TTC33: variants seen among roughly 807,000 people sequenced by gnomAD.
TTC33 encodes tetratricopeptide repeat protein 33.
Under a neutral mutation model 29.4 loss-of-function variants are expected in TTC33, and 24 were observed. The observed-to-expected ratio is 0.82, with a 90% CI of 0.59 to 1.15. The LOEUF is 1.15. Among genes scored for constraint, TTC33 ranks in the 50% most tolerant of loss-of-function variants. The probability of loss-of-function intolerance (pLI) is 0.00; values close to 1 mark genes in which losing one functional copy is unlikely to be tolerated. For missense variants in TTC33, 286 were observed against 310.4 expected, an observed-to-expected ratio of 0.92 and a Z score of 0.59; for synonymous variants, 107 against 100.3, an observed-to-expected ratio of 1.07 and a Z score of -0.40.
intron 4 of TTC33, among the ~76,000 whole-genome samples, chr5:40,718,016 C>T (rs1034416155): frequency 6.7e-6 from 1 of 150,140 alleles, no homozygotes; most frequent in African/African-American, 2.5e-5. Flanking sequence ...GAGCCAAGAT[C>T]GCACAATTAT....
intron 2 of TTC33, among the ~76,000 whole-genome samples, chr5:40,735,566 G>GA (rs1291388295): frequency 1.3e-5 from 2 of 152,124 alleles, no homozygotes; most frequent in Non-Finnish European, 2.9e-5. Context: ...AAGAGTGAGG[G>GA]AAAAACAGAA....
intron 2 of TTC33, among the ~76,000 whole-genome samples, chr5:40,737,914 T>A (rs1250069275): frequency 6.6e-6 from 1 of 152,226 alleles, no homozygotes; most frequent in Non-Finnish European, 1.5e-5. Context: ...CTCAAGAGAA[T>A]ACTATTGTAT....
intron 2 of TTC33, among the ~76,000 whole-genome samples, chr5:40,730,572 T>A (rs148011870): frequency 2.5e-3 from 379 of 152,250 alleles, no homozygotes; most frequent in African/African-American, 8.8e-3. Context: ...TGAAACTCCA[T>A]ACCCATTAAA....
Position 40,715,198 on chromosome 5 carries a change from C to T in TTC33, c.*947G>A, listed in dbSNP as rs1459968856. On this transcript the variant is annotated 3_prime_UTR_variant, in exon 5 of 5. Coordinates refer to ENST00000337702, the MANE Select transcript of TTC33 (RefSeq NM_012382.3). ...AAAATTGTAATTATTTTTCATTTCA[C>T]TGAGTAGTTTCAAAAAAAGTTATCT... 3.3e-5 allele frequency: 5 copies of T among 151,920 alleles called. No homozygotes were observed. The highest frequency in any genetic ancestry group is 4.8e-5 in the African/African-American group (2 of 41,384). The allele number at this position is 151,920 out of a possible 1,614,324, so 9.4% of individuals were successfully genotyped here.
Position 40,715,906 on chromosome 5 carries a change from T to C in TTC33, c.*239A>G, listed in dbSNP as rs1741986685. ...TTACATATTCAGATTAAACTAAGTT[T>C]ATTAATCAAAGACCATTTTACTCAG... On this transcript the variant is annotated 3_prime_UTR_variant, in exon 5 of 5. Transcript: ENST00000337702. The C allele has an allele frequency of 2.5e-6, 1 of 402,780 alleles. No individual in the cohort carries two copies. Among genetic ancestry groups the C allele is most frequent in the Non-Finnish European group, 4.4e-6 (1 of 227,944 alleles). 25.0% of individuals were successfully genotyped at this position (402,780 alleles called of 1,614,324 possible).
chr5:40,723,014 A>G (rs1186373695), intron 4 of TTC33, among the ~76,000 whole-genome samples: 1 of 152,218 alleles, frequency 6.6e-6, no homozygotes, highest in Non-Finnish European at 1.5e-5. Context: ...AATGTGGGGA[A>G]AAGGAGAGAT....
rs1742801241 is a variant in TTC33 at position 40,746,978 on chromosome 5, A to T, written c.41T>A (p.Val14Asp). Residue 14 changes from valine (V) to aspartate (D), a missense_variant, in exon 2 of 5, where the codon GTC (valine) becomes GAC (aspartate). Val to Asp is a radical substitution (Grantham distance 152). Coordinates refer to ENST00000337702, the MANE Select transcript of TTC33 (RefSeq NM_012382.3). ...FGWKRKIGEK[V>D]SKVTSQQFEA... ...AAACTGCTGGGAAGTGACCTTTGAG[A>T]CCTTCTCACCAATTTTCCTCTTCCA... The T allele has an allele frequency of 1.9e-6, 3 of 1,613,896 alleles. No individual in the cohort carries two copies. The highest frequency in any genetic ancestry group is 2.5e-6 in the Non-Finnish European group (3 of 1,180,020).
intron 1 of TTC33, among the ~76,000 whole-genome samples, chr5:40,747,874 G>A (rs947038122): frequency 2.6e-5 from 4 of 152,096 alleles, no homozygotes; most frequent in African/African-American, 9.7e-5. Context: ...TGCCCAAGCT[G>A]TAGTGCAACG....
At chr5:40,721,410 A>G (rs1469353706) in intron 4 of TTC33, among the ~76,000 whole-genome samples, 1 of 152,224 alleles carries the variant, frequency 6.6e-6, no homozygotes, top group Non-Finnish European at 1.5e-5. Context: ...AGTCAGATAT[A>G]TAGACCAATG....
At chr5:40,742,519 A>G (rs1012358754) in intron 2 of TTC33, among the ~76,000 whole-genome samples, 1 of 152,332 alleles carries the variant, frequency 6.6e-6, no homozygotes, top group African/African-American at 2.4e-5. Flanking sequence ...CAGAACTAGG[A>G]TAAGAAACAA....
In TTC33 at chr5:40,754,938, A is replaced by G. The variant is rs1742958504; in HGVS notation, c.-2+886T>C. 2.0e-5 allele frequency among the ~76,000 whole-genome samples: 3 copies of G among 152,202 alleles called. No homozygotes were observed. The South Asian group carries it at 6.2e-4, about 32-fold the overall frequency. On this transcript the variant is annotated intron_variant, in intron 1 of 4. Transcript: ENST00000337702. ...ACTTCTTATGAAGGAGGCTTTCCTG[A>G]GTCTAGTTAGAAGCACGAGGCTTCA... is the stretch of plus-strand genomic sequence containing the variant.
chr5:40,754,257 C>T (rs756645740), intron 1 of TTC33, among the ~76,000 whole-genome samples: 1 of 152,106 alleles, frequency 6.6e-6, no homozygotes, highest in Admixed American at 6.5e-5. Context: ...GTGTGGGAGG[C>T]CTGATGCCAC....
chr5:40,726,021 G>C (rs1397523385), intron 4 of TTC33, among the ~76,000 whole-genome samples: 3 of 151,596 alleles, frequency 2.0e-5, no homozygotes, highest in Non-Finnish European at 4.4e-5. Flanking sequence ...TCCTGACCTT[G>C]TGATCCGCCC....
At position 40,712,669 on chromosome 5, in the gene TTC33, T is replaced by A. The variant is rs1167155633; in HGVS notation, c.*3476A>T. Among the ~76,000 whole-genome samples the A allele has an allele frequency of 6.6e-6, 1 of 152,158 alleles. No homozygotes were observed. The highest frequency in any genetic ancestry group is 2.4e-5 in the African/African-American group (1 of 41,440). ...GACCACAACATCGGTTCTCTGCAGT[T>A]ATGACAAATCCACAAAAGGGAAAAA... On this transcript the variant is annotated 3_prime_UTR_variant, in exon 5 of 5. Coordinates refer to ENST00000337702, the MANE Select transcript of TTC33 (RefSeq NM_012382.3).
chr5:40,723,971 G>A (rs982496795), intron 4 of TTC33, among the ~76,000 whole-genome samples: 1 of 152,152 alleles, frequency 6.6e-6, no homozygotes, highest in Non-Finnish European at 1.5e-5. Flanking sequence ...AGCCATTATG[G>A]AGTTTCTTCA....
At chr5:40,751,078 G>A (rs1452465844) in intron 1 of TTC33, among the ~76,000 whole-genome samples, 1 of 152,146 alleles carries the variant, frequency 6.6e-6, no homozygotes, top group Non-Finnish European at 1.5e-5. Context: ...ATTCCTAATG[G>A]TTATCTAGAA....
intron 1 of TTC33, among the ~76,000 whole-genome samples, chr5:40,750,469 G>C (rs899087094): frequency 2.0e-5 from 3 of 151,874 alleles, no homozygotes; most frequent in Non-Finnish European, 4.4e-5. Flanking sequence ...GAGGCAGGAG[G>C]ATCACCTGAG....
chr5:40,752,124 A>G (rs1045294986), intron 1 of TTC33, among the ~76,000 whole-genome samples: 2 of 152,188 alleles, frequency 1.3e-5, no homozygotes, highest in Non-Finnish European at 2.9e-5. Context: ...AGCAGTTTCA[A>G]ACTTTACTTT....
chr5:40,733,274 C>A (rs1742476410), intron 2 of TTC33, among the ~76,000 whole-genome samples: 1 of 152,070 alleles, frequency 6.6e-6, no homozygotes, highest in East Asian at 1.9e-4. Context: ...GGCTGAAGGT[C>A]TTTGGTCTCT....
Sources: gnomAD v4.1 joint callset for allele counts (sites outside exome capture counted in the v4.1 genomes callset) on GRCh38, gnomAD v4.1.1 for gene constraint, MANE v1.5 for transcripts, NCBI Gene and HGNC (gene_info 2026-07-23, HGNC 2026-07-21) for gene names.